Variants in PGPEP1 observed in about 807,000 individuals in gnomAD.
The protein encoded by PGPEP1 is pyroglutamyl-peptidase 1.
PGPEP1 carries 15 observed loss-of-function variants against 24.1 expected under a neutral mutation model. The observed-to-expected ratio is 0.62, with a 90% CI of 0.42 to 0.96. PGPEP1 has a LOEUF of 0.96. PGPEP1 is among the 40% of genes least tolerant of loss of function. The pLI is 0.00. For missense variants in PGPEP1, 242 were observed against 273.4 expected, an observed-to-expected ratio of 0.89 and a Z score of 0.81; for synonymous variants, 122 against 116.4, an observed-to-expected ratio of 1.05 and a Z score of -0.31.
intron 4 of PGPEP1, among the ~76,000 whole-genome samples, chr19:18,359,966 C>T (rs942998656): frequency 6.6e-6 from 1 of 152,154 alleles, no homozygotes; most frequent in Admixed American, 6.6e-5. Context: ...TTGGTCAATG[C>T]AGTTGAGTAG....
In PGPEP1 at chr19:18,366,089, A is replaced by C. The variant is rs997600256; in HGVS notation, c.*2506A>C. The C allele has an allele frequency of 8.5e-5, 13 of 152,210 alleles. No homozygotes were observed. Among genetic ancestry groups the C allele is most frequent in the Admixed American group, 5.9e-4 (9 of 15,252 alleles). The allele number at this position is 152,210 out of a possible 1,614,324, so 9.4% of individuals were successfully genotyped here. On this transcript the variant is annotated 3_prime_UTR_variant, in exon 5 of 5. Coordinates refer to ENST00000269919, the MANE Select transcript of PGPEP1 (RefSeq NM_017712.4). Reference sequence around the variant, plus strand: ...ACAACTGAAGACTCAGGGGTCACCCAGAGGTCTGGTGGAAAGCAACTTCAG... The same window carrying C: ...ACAACTGAAGACTCAGGGGTCACCCCGAGGTCTGGTGGAAAGCAACTTCAG...
chr19:18,351,615 A>C (rs11669767), intron 2 of PGPEP1, among the ~76,000 whole-genome samples: 80,739 of 139,272 alleles, frequency 0.58, 24,435 homozygotes, highest in Middle Eastern at 0.77. Flanking sequence ...CAAAAGCAAA[A>C]CTCCGTCTCA....
intron 4 of PGPEP1, among the ~76,000 whole-genome samples, chr19:18,358,489 A>G (rs544095194): frequency 5.9e-5 from 9 of 151,764 alleles, no homozygotes; most frequent in African/African-American, 2.2e-4. Flanking sequence ...CGAACTCCCG[A>G]CCTCAGGTGA....
At chr19:18,354,570 C>T (rs888538607) in intron 2 of PGPEP1, among the ~76,000 whole-genome samples, 7 of 151,838 alleles carry the variant, frequency 4.6e-5, no homozygotes, top group African/African-American at 1.5e-4. Context: ...CAGGCTGGAG[C>T]GCAGTGGCAC....
At chr19:18,352,350 A>C (rs1490353733) in intron 2 of PGPEP1, among the ~76,000 whole-genome samples, 1 of 149,594 alleles carries the variant, frequency 6.7e-6, no homozygotes, top group Admixed American at 6.7e-5. Context: ...AGGATGAGGC[A>C]GAAGGAACTC....
At chr19:18,356,070 T>C (rs1439780908) in intron 3 of PGPEP1, 59 bp downstream of exon 3, 19 of 1,020,002 alleles carry the variant, frequency 1.9e-5, no homozygotes, top group Non-Finnish European at 2.8e-5. Context: ...GCACCCTTCA[T>C]GTGGAGGACT....
intron 4 of PGPEP1, among the ~76,000 whole-genome samples, chr19:18,360,256 G>C (rs1221914609): frequency 6.6e-6 from 1 of 150,922 alleles, no homozygotes; most frequent in East Asian, 2.0e-4. Flanking sequence ...CTTGTGCCTC[G>C]GCCTCCCAAA....
At chr19:18,354,079 A>G (rs1189208245) in intron 2 of PGPEP1, among the ~76,000 whole-genome samples, 1 of 152,134 alleles carries the variant, frequency 6.6e-6, no homozygotes, top group Non-Finnish European at 1.5e-5. Flanking sequence ...TACTAAAAAT[A>G]CAAAAATTAG....
intron 1 of PGPEP1, among the ~76,000 whole-genome samples, chr19:18,341,834 C>A (rs997101320): frequency 3.3e-5 from 5 of 152,076 alleles, no homozygotes; most frequent in African/African-American, 1.2e-4. Flanking sequence ...GAGCCACAGC[C>A]CCTACCTGCT....
intron 4 of PGPEP1, among the ~76,000 whole-genome samples, 193 bp from the exon 5 acceptor site, chr19:18,363,198 G>C (rs1214781171): frequency 6.6e-6 from 1 of 152,016 alleles, no homozygotes; most frequent in Non-Finnish European, 1.5e-5. Context: ...TGGGACTACA[G>C]GCACGTGCCA....
intron 2 of PGPEP1, among the ~76,000 whole-genome samples, chr19:18,349,361 A>G (rs1458430189): frequency 6.6e-6 from 1 of 151,494 alleles, no homozygotes; most frequent in East Asian, 2.0e-4. Context: ...GGGTTTCGCC[A>G]TGTTGGCCAG....
At chr19:18,349,317 G>A (rs1025505360) in intron 2 of PGPEP1, among the ~76,000 whole-genome samples, 1 of 152,022 alleles carries the variant, frequency 6.6e-6, no homozygotes, top group South Asian at 2.1e-4. Context: ...GGGTAGCTGG[G>A]ACTCAGCTAA....
Position 18,368,429 on chromosome 19 carries a change from ACT to A in PGPEP1, c.*4849_*4850del, listed in dbSNP as rs1311314699. The A allele has an allele frequency of 7.8e-6, 1 of 128,108 alleles. No individual in the cohort carries two copies. Among genetic ancestry groups the A allele is most frequent in the East Asian group, 2.2e-4 (1 of 4,572 alleles). 7.9% of individuals were successfully genotyped at this position (128,108 alleles called of 1,614,324 possible). Reference sequence around the variant, plus strand: ...ATTCCAGACTGGGCAACATAGCAAGACTCTGTCACAAAAAAAAAAAAAAAAAA... The same window carrying A: ...ATTCCAGACTGGGCAACATAGCAAGACTGTCACAAAAAAAAAAAAAAAAAA... On this transcript the variant is annotated 3_prime_UTR_variant, in exon 5 of 5. Transcript: ENST00000269919.
intron 4 of PGPEP1, among the ~76,000 whole-genome samples, chr19:18,362,771 A>G (rs1006877357): frequency 2.0e-5 from 3 of 149,964 alleles, no homozygotes; most frequent in Non-Finnish European, 4.4e-5. Context: ...GCACACCTGT[A>G]GTCCCAGCTA....
Position 18,363,729 on chromosome 19 carries a change from C to G in PGPEP1, c.*146C>G. On this transcript the variant is annotated 3_prime_UTR_variant, in exon 5 of 5. Transcript: ENST00000269919. ...GATTCTGATCTGCCCACCTCCTCTT[C>G]CTCCTTCTCTACAAAAGCTCCGGTT... The G allele has an allele frequency of 1.8e-6, 1 of 561,934 alleles. No homozygotes were observed. The highest frequency in any genetic ancestry group is 3.0e-5 in the South Asian group (1 of 33,246). The allele number at this position is 561,934 out of a possible 1,614,324, so 34.8% of individuals were successfully genotyped here. A position where few individuals can be genotyped will look rare whatever the true frequency, so the allele number is the denominator to read the frequency against.
intron 2 of PGPEP1, 38 bp downstream of exon 2, chr19:18,342,949 CT>C: frequency 6.6e-7 from 1 of 1,510,312 alleles, no homozygotes; most frequent in Non-Finnish European, 9.2e-7. Context: ...AGGCTTGGAG[CT>C]GGGCACACCC....
At chr19:18,345,557 T>TAA (rs548430287) in intron 2 of PGPEP1, among the ~76,000 whole-genome samples, 4 of 138,434 alleles carry the variant, frequency 2.9e-5, no homozygotes, top group East Asian at 4.2e-4. Flanking sequence ...ACCCCATCTC[T>TAA]AAAAAAAAAA....
Position 18,355,890 on chromosome 19 carries a change from T to C in PGPEP1, c.88-5T>C. 1 of 1,596,136 alleles carries C rather than the reference T, an allele frequency of 6.3e-7. No homozygotes were observed. Among genetic ancestry groups the C allele is most frequent in the Non-Finnish European group, 8.6e-7 (1 of 1,163,990 alleles). On this transcript the variant is annotated splice_polypyrimidine_tract_variant and splice_region_variant and intron_variant, in intron 2 of 4. Coordinates refer to ENST00000269919, the MANE Select transcript of PGPEP1 (RefSeq NM_017712.4). ...CCATGACACTCCCACTCTCCTCTCT[T>C]CCAGGAGCTAGAAAAGCTAGGCCTT...
At chr19:18,345,209 C>T (rs11882312) in intron 2 of PGPEP1, among the ~76,000 whole-genome samples, 1 of 151,850 alleles carries the variant, frequency 6.6e-6, no homozygotes, top group Non-Finnish European at 1.5e-5. Flanking sequence ...GCCATGTTGA[C>T]CAGGCTGGTC....
Sources: gnomAD v4.1 joint callset for allele counts (sites outside exome capture counted in the v4.1 genomes callset) on GRCh38, gnomAD v4.1.1 for gene constraint, MANE v1.5 for transcripts, NCBI Gene and HGNC (gene_info 2026-07-23, HGNC 2026-07-21) for gene names.